SYNE1: variants seen among roughly 807,000 people sequenced by gnomAD.
SYNE1 encodes spectrin repeat containing nuclear envelope protein 1.
SYNE1 carries 616 observed loss-of-function variants against 1,111.0 expected under a neutral mutation model. That is an observed-to-expected ratio of 0.55 (90% CI 0.52 to 0.59). SYNE1 has a LOEUF of 0.59. Among genes scored for constraint, SYNE1 ranks in the 20% least tolerant of loss-of-function variants. The pLI, the probability that SYNE1 is intolerant of heterozygous loss-of-function variation, is 0.00. For missense variants in SYNE1, 10,006 were observed against 10,417.0 expected (o/e 0.96, Z 1.72); for synonymous variants, 3,855 against 3,825.8 (o/e 1.01, Z -0.28).
chr6:152,233,760 C>A (rs201165326), intron 112 of SYNE1, 21 bp downstream of exon 112: 4 of 1,614,036 alleles, frequency 2.5e-6, no homozygotes, highest in East Asian at 4.5e-5. Context: ...CTATTTCCCA[C>A]GAAAGCAATC....
chr6:152,248,483 G>T (rs1588685810), intron 105 of SYNE1, among the ~76,000 whole-genome samples: 1 of 150,460 alleles, frequency 6.6e-6, no homozygotes, highest in African/African-American at 2.4e-5. Context: ...AGCTAATGAG[G>T]CATGCAACAA....
intron 61 of SYNE1, chr6:152,367,686 A>C (rs2097104469): frequency 2.6e-6 from 1 of 383,834 alleles, no homozygotes; most frequent in African/African-American, 2.1e-5. Context: ...GACTGGTCAA[A>C]GTAGTTTCTA....
Position 152,254,344 on chromosome 6 carries a change from C to G in SYNE1, c.19470+536G>C, listed in dbSNP as rs911888976. On this transcript the variant is annotated intron_variant, in intron 104 of 145. Coordinates refer to ENST00000367255, the MANE Select transcript of SYNE1 (RefSeq NM_182961.4). ...TCAGTTCACTGCTACCTCTGCGTCC[C>G]GGGTTCAAGCGATCCTCCTGCCTCA... Among the ~76,000 whole-genome samples, 5 of 148,806 alleles carry G rather than the reference C, an allele frequency of 3.4e-5. No homozygotes were observed. The East Asian group carries it at 1.0e-3, about 30-fold the overall frequency.
At chr6:152,618,207 A>G (rs2099666424) in intron 3 of SYNE1, among the ~76,000 whole-genome samples, 1 of 152,244 alleles carries the variant, frequency 6.6e-6, no homozygotes, top group Non-Finnish European at 1.5e-5. Context: ...AGGAATGCTC[A>G]TATCAGCCAA....
chr6:152,428,293 C>G lies in SYNE1; in HGVS notation c.4888G>C (p.Ala1630Pro), dbSNP rs889683255. The G allele has an allele frequency of 6.2e-7, 1 of 1,614,176 alleles. No homozygotes were observed. The highest frequency in any genetic ancestry group is 1.3e-5 in the African/African-American group (1 of 75,060). ...VNRDSCVQEA[A>P]ALQQQYEDIL... ...TCCTCGTATTGCTGCTGTAGAGCCG[C>G]AGCCTCCTGAACACAGGAATCTCTG... Residue 1630 changes from alanine to proline, a missense_variant, in exon 37 of 146, where the codon GCG (alanine) becomes CCG (proline). By Grantham distance (27) the Ala-to-Pro change is conservative (BLOSUM62 -1). Around this residue, in one of 7 missense-constraint regions of SYNE1, gnomAD observed 1,971 missense variants for 2,084.1 expected, o/e 0.95. Transcript: ENST00000367255.
In SYNE1 at chr6:152,329,934, C is replaced by T. The variant is rs769489729; in HGVS notation, c.14751G>A (p.Leu4917=). The T allele has an allele frequency of 6.2e-6, 10 of 1,614,072 alleles. No individual in the cohort carries two copies. The Admixed American group carries it at 1.7e-4, about 27-fold the overall frequency. The change falls in exon 78 of 146, where the codon CTG becomes CTA. Residue 4917 remains leucine (L), a synonymous_variant. Transcript: ENST00000367255. ...TTCTGATTTCCTCTTGGATGTCCTG[C>T]AGGTTGAGGTCTAGGTACACCGGCC... is the stretch of plus-strand genomic sequence containing the variant. ...LSGPVYLDLN[L]QDIQEEIRKI... is the part of the protein sequence containing the mutation.
intron 24 of SYNE1, 70 bp from the exon 25 acceptor site, chr6:152,453,790 T>A: frequency 1.3e-6 from 2 of 1,599,512 alleles, no homozygotes; most frequent in Non-Finnish European, 1.7e-6. Flanking sequence ...ACAATCAGCC[T>A]CTAAGCCTCC....
chr6:152,310,342 T>C (rs1475963244), intron 89 of SYNE1, 54 bp downstream of exon 89: 3 of 1,610,822 alleles, frequency 1.9e-6, no homozygotes, highest in East Asian at 4.5e-5. Flanking sequence ...CTTACTATCC[T>C]CTTTTAAAAA....
intron 41 of SYNE1, among the ~76,000 whole-genome samples, chr6:152,414,324 A>G (rs1425891722): frequency 6.6e-6 from 1 of 152,080 alleles, no homozygotes; most frequent in East Asian, 1.9e-4. Context: ...CTGGAGGATC[A>G]TGTGAGCCCA....
Position 152,308,493 on chromosome 6 carries a change from T to C in SYNE1, c.17342A>G (p.His5781Arg). The change falls in exon 91 of 146, where the codon CAT becomes CGT. Residue 5781 changes from histidine to arginine, a missense_variant. By Grantham distance (29) the His-to-Arg change is conservative. This residue lies in a region of SYNE1 where 4,955 missense variants were observed against 5,017.2 expected (regional missense o/e 0.99). Coordinates refer to ENST00000367255, the MANE Select transcript of SYNE1 (RefSeq NM_182961.4). ...IQELQAQISRHEELAQKIKGY... is the reference protein window; with the variant it reads ...IQELQAQISRREELAQKIKGY... ...TTTCGCCTACATTCCTCTCACCTCA[T>C]GCCGAGAAATCTGAGCCTGCAGCTC... is the stretch of plus-strand genomic sequence containing the variant. 1 of 1,614,196 alleles carries C rather than the reference T, an allele frequency of 6.2e-7. No individual in the cohort carries two copies. The highest frequency in any genetic ancestry group is 1.1e-5 in the South Asian group (1 of 91,076).
chr6:152,236,852 C>T lies in SYNE1; in HGVS notation c.20164G>A (p.Glu6722Lys), dbSNP rs370571896. The stretch of plus-strand genomic sequence containing the variant: ...GTTATGCGGTCAATAAGCCTGTCCT[C>T]GTTCTCCTCCACCAGACCCACGCTT... ...IPSVGLVEEN[E>K]DRLIDRITLY... is the part of the protein sequence containing the mutation. Residue 6722 changes from glutamate to lysine, a missense_variant, in exon 109 of 146, where the codon GAG becomes AAG. By Grantham distance (56) the Glu-to-Lys change is moderately conservative. Around this residue, in one of 7 missense-constraint regions of SYNE1, gnomAD observed 2,182 missense variants for 2,287.8 expected, o/e 0.95. Coordinates refer to ENST00000367255, the MANE Select transcript of SYNE1 (RefSeq NM_182961.4). 20 of 1,614,034 alleles carry T rather than the reference C, an allele frequency of 1.2e-5. No homozygotes were observed. The highest frequency in any genetic ancestry group is 1.6e-4 in the Middle Eastern group (1 of 6,084).
chr6:152,217,259 G>A (rs2078963966), intron 121 of SYNE1, among the ~76,000 whole-genome samples: 1 of 150,986 alleles, frequency 6.6e-6, no homozygotes, highest in African/African-American at 2.4e-5. Context: ...AGCCAGGCGT[G>A]GTGGACAGTA....
At chr6:152,427,393 C>T (rs1449970214) in intron 38 of SYNE1, among the ~76,000 whole-genome samples, 1 of 152,138 alleles carries the variant, frequency 6.6e-6, no homozygotes, top group Non-Finnish European at 1.5e-5. Context: ...ATATTCCTAC[C>T]CATCCTTTCC....
intron 3 of SYNE1, among the ~76,000 whole-genome samples, chr6:152,592,911 G>T (rs1436245661): frequency 6.6e-6 from 1 of 152,184 alleles, no homozygotes; most frequent in Non-Finnish European, 1.5e-5. Context: ...GTGGGTGTGA[G>T]TGTGCCCTGC....
intron 105 of SYNE1, among the ~76,000 whole-genome samples, chr6:152,248,086 TCTCTC>T (rs1173086353): frequency 1.3e-5 from 2 of 152,172 alleles, no homozygotes; most frequent in African/African-American, 4.8e-5. Context: ...TCTCATTCTT[TCTCTC>T]CAGTACAGCT....
intron 140 of SYNE1, among the ~76,000 whole-genome samples, chr6:152,138,398 C>A (rs988176279): frequency 3.2e-4 from 49 of 151,960 alleles, no homozygotes; most frequent in African/African-American, 1.2e-3. Context: ...GTAGTCCCAG[C>A]TACTCAGGAG....
rs543882781 is a variant in SYNE1, at chr6:152,189,339, G to A, written c.23214C>T (p.Leu7738=). The A allele has an allele frequency of 6.2e-7, 1 of 1,614,000 alleles. No homozygotes were observed. Among genetic ancestry groups the A allele is most frequent in the Admixed American group, 1.7e-5 (1 of 59,996 alleles). Residue 7738 remains leucine, a synonymous_variant, in exon 128 of 146, where the codon CTC becomes CTT. Coordinates refer to ENST00000367255, the MANE Select transcript of SYNE1 (RefSeq NM_182961.4). ...TATCATCAGCACTGATATAGGCAGAGAGGGTGTCCTTCAGCAGGCTCAACT... is the reference window on the plus strand; with the variant it reads ...TATCATCAGCACTGATATAGGCAGAAAGGGTGTCCTTCAGCAGGCTCAACT... ...LTQLSLLKDT[L]SAYISADDIS...
rs1563298152 is a variant in SYNE1 at position 152,184,637 on chromosome 6, TAG to T, written c.23302-4345_23302-4344del. Among the ~76,000 whole-genome samples the T allele has an allele frequency of 1.6e-3, 194 of 125,124 alleles. 2 individuals carry two copies. Among genetic ancestry groups the T allele is most frequent in the South Asian group, 0.012 (50 of 4,062 alleles). The allele number at this position is 125,124 out of a possible 152,430, so 82.1% of individuals were successfully genotyped here. The stretch of plus-strand genomic sequence containing the variant: ...CAGCTGGATTATACACATATATAGA[TAG>T]ATAGATAGATAGATAGATAGATAGA... On this transcript the variant is annotated intron_variant, in intron 128 of 145. Transcript: ENST00000367255.
intron 3 of SYNE1, among the ~76,000 whole-genome samples, chr6:152,549,056 C>A (rs1374261671): frequency 6.6e-6 from 1 of 152,286 alleles, no homozygotes; most frequent in East Asian, 1.9e-4. Flanking sequence ...CCACCAGGCA[C>A]GTGAATGAGG....
Sources: allele counts gnomAD v4.1 joint callset (sites outside exome capture counted in the v4.1 genomes callset), GRCh38; gene constraint gnomAD v4.1.1; regional missense constraint gnomAD v4.1.1; transcripts MANE v1.5; gene names NCBI Gene and HGNC (gene_info 2026-07-23, HGNC 2026-07-21).